Variants in MATN1 observed in about 807,000 individuals in gnomAD.
MATN1 encodes matrilin-1.
A neutral mutation model predicts 41.3 loss-of-function variants in MATN1; 34 were observed. The ratio of observed to expected loss-of-function variants is 0.82; its 90% CI spans 0.63 to 1.10. The LOEUF (loss-of-function observed/expected upper bound fraction) is 1.10. Ranked by LOEUF, MATN1 falls within the 50% of genes least tolerant of loss-of-function variation. The pLI, the probability that MATN1 is intolerant of heterozygous loss-of-function variation, is 0.00. For synonymous variants in MATN1, 264 were observed against 278.7 expected, an observed-to-expected ratio of 0.95 and a Z score of 0.53; for missense variants, 602 against 662.4, an observed-to-expected ratio of 0.91 and a Z score of 1.00.
At position 30,721,855 on chromosome 1, in the gene MATN1, G is replaced by A. The variant is rs139048701; in HGVS notation, c.95-104C>T. ...TTCTTAGATCCAGGTGCGAGGCCTC[G>A]GGCCCAGTAGGCTGCAAACTTCAGC... On this transcript the variant is annotated intron_variant, in intron 1 of 7. Transcript: ENST00000373765. 1.6e-3 allele frequency: 1,360 copies of A among 874,226 alleles called. 19 individuals carry two copies. The African/African-American group carries it at 0.019, about 12-fold the overall frequency. 54.2% of individuals were successfully genotyped at this position (874,226 alleles called of 1,614,324 possible).
chr1:30,713,240 G>T lies in MATN1; in HGVS notation c.*342C>A. On this transcript the variant is annotated 3_prime_UTR_variant, in exon 8 of 8. Coordinates refer to ENST00000373765, the MANE Select transcript of MATN1 (RefSeq NM_002379.3). ...TTCACAGCACTCAGAGTCAAGAAAGGGTTAACTAAAAAAGATGGGAATATA... is the reference window on the plus strand; with the variant it reads ...TTCACAGCACTCAGAGTCAAGAAAGTGTTAACTAAAAAAGATGGGAATATA... 1 of 273,402 alleles carries T rather than the reference G, an allele frequency of 3.7e-6. No individual in the cohort carries two copies. The highest frequency in any genetic ancestry group is 5.0e-5 in the Admixed American group (1 of 20,140). 16.9% of individuals were successfully genotyped at this position (273,402 alleles called of 1,614,324 possible).
intron 2 of MATN1, 53 bp downstream of exon 2, chr1:30,721,352 T>G: frequency 6.6e-7 from 1 of 1,518,764 alleles, no homozygotes. Flanking sequence ...AGCTCATAAC[T>G]CCGAGCGGGA....
intron 5 of MATN1, 139 bp from the exon 6 acceptor site, chr1:30,715,448 A>C (rs374560581): frequency 2.6e-4 from 192 of 735,938 alleles, no homozygotes; most frequent in African/African-American, 2.0e-3. Context: ...CAATGCCTGG[A>C]ACAAGGACAA....
At position 30,715,291 on chromosome 1, in the gene MATN1, A is replaced by G; in HGVS notation, c.1226T>C (p.Val409Ala). The change falls in exon 6 of 8, where the codon GTG becomes GCG. Residue 409 changes from valine to alanine, a missense_variant. Val to Ala is a moderately conservative substitution (Grantham distance 64). Coordinates refer to ENST00000373765, the MANE Select transcript of MATN1 (RefSeq NM_002379.3). Reference protein sequence around the residue: ...AKDLGFKMFAVGVGNAVEDEL... With the variant: ...AKDLGFKMFAAGVGNAVEDEL... ...ATCCTCCACGGCATTGCCCACACCC[A>G]CAGCAAACATCTTAAAGCCTGCCAG... is the stretch of plus-strand genomic sequence containing the variant. The G allele has an allele frequency of 1.9e-6, 3 of 1,614,154 alleles. No individual in the cohort carries two copies. Among genetic ancestry groups the G allele is most frequent in the Non-Finnish European group, 2.5e-6 (3 of 1,180,028 alleles).
intron 1 of MATN1, 83 bp downstream of exon 1, chr1:30,723,375 C>T: frequency 3.7e-6 from 4 of 1,081,218 alleles, no homozygotes. Context: ...CGTGTGCTCC[C>T]TGCCATATCG....
In MATN1 at chr1:30,718,776, A is replaced by C. The variant is rs746606203; in HGVS notation, c.623T>G (p.Val208Gly). The C allele has an allele frequency of 1.2e-6, 2 of 1,603,580 alleles. No individual in the cohort carries two copies. Among genetic ancestry groups the C allele is most frequent in the East Asian group, 4.5e-5 (2 of 44,382 alleles). ...GAACTTCCTGGACAGCTTCTCGATG[A>C]CGCTGTAGCTCTCCACGTAATCGAC... ...EHVDYVESYS[V>G]IEKLSRKFQE... Residue 208 changes from valine (V) to glycine (G), a missense_variant, in exon 3 of 8, where the codon GTC becomes GGC. By Grantham distance (109) the Val-to-Gly change is moderately radical. Coordinates refer to ENST00000373765, the MANE Select transcript of MATN1 (RefSeq NM_002379.3).
chr1:30,713,440 C>A lies in MATN1; in HGVS notation c.*142G>T. On this transcript the variant is annotated 3_prime_UTR_variant, in exon 8 of 8. Coordinates refer to ENST00000373765, the MANE Select transcript of MATN1 (RefSeq NM_002379.3). ...ACACGCACACATACACACACGAGCT[C>A]CCAAACGCCATTACACGCTCTCAAT... 1 of 747,374 alleles carries A rather than the reference C, an allele frequency of 1.3e-6. No homozygotes were observed. Among genetic ancestry groups the A allele is most frequent in the Non-Finnish European group, 2.3e-6 (1 of 429,360 alleles). The allele number at this position is 747,374 out of a possible 1,614,324, so 46.3% of individuals were successfully genotyped here.
chr1:30,718,641 C>T, intron 3 of MATN1, 94 bp downstream of exon 3: 1 of 670,968 alleles, frequency 1.5e-6, no homozygotes, highest in Non-Finnish European at 2.1e-6. Context: ...TCCGTCTGCG[C>T]CTCAGCCTCG....
At chr1:30,714,927 G>A (rs890888510) in intron 6 of MATN1, among the ~76,000 whole-genome samples, 7 of 152,176 alleles carry the variant, frequency 4.6e-5, no homozygotes, top group African/African-American at 1.4e-4. Flanking sequence ...AAATAGGATC[G>A]GATGATGTAA....
At chr1:30,722,647 C>T (rs371946342) in intron 1 of MATN1, among the ~76,000 whole-genome samples, 16 of 152,324 alleles carry the variant, frequency 1.1e-4, no homozygotes, top group African/African-American at 3.1e-4. Flanking sequence ...AGGAAGGTCT[C>T]ACTACAAAGG....
chr1:30,722,199 G>A (rs945215942), intron 1 of MATN1, among the ~76,000 whole-genome samples: 4 of 152,284 alleles, frequency 2.6e-5, no homozygotes, highest in Non-Finnish European at 5.9e-5. Context: ...TAGCTGGGCA[G>A]GAGGGCACCA....
Position 30,723,539 on chromosome 1 carries a change from A to T in MATN1, c.13T>A (p.Ser5Thr). The change falls in exon 1 of 8, where the codon TCT (serine) becomes ACT (threonine). Residue 5 changes from serine to threonine, a missense_variant. Ser to Thr is a moderately conservative substitution (Grantham distance 58, BLOSUM62 1). Coordinates refer to ENST00000373765, the MANE Select transcript of MATN1 (RefSeq NM_002379.3). MRVLSGTSLMLCSLL... is the reference protein window; with the variant it reads MRVLTGTSLMLCSLL... ...CTGCAGAGCATGAGGCTAGTGCCAGAGAGGACCCTCATAGTTCTGGCAGCA... is the reference window on the plus strand; with the variant it reads ...CTGCAGAGCATGAGGCTAGTGCCAGTGAGGACCCTCATAGTTCTGGCAGCA... 6.5e-7 allele frequency: 1 copy of T among 1,537,736 alleles called. No homozygotes were observed. The highest frequency in any genetic ancestry group is 8.8e-7 in the Non-Finnish European group (1 of 1,141,076).
At chr1:30,720,598 G>A (rs1280962717) in intron 2 of MATN1, 2 of 152,838 alleles carry the variant, frequency 1.3e-5, no homozygotes, top group African/African-American at 4.8e-5. Flanking sequence ...GGGGTATGGA[G>A]GAGGGATAAG....
chr1:30,722,203 G>A (rs1206926588), intron 1 of MATN1, among the ~76,000 whole-genome samples: 1 of 152,270 alleles, frequency 6.6e-6, no homozygotes, highest in Admixed American at 6.5e-5. Flanking sequence ...TGGGCAGGAG[G>A]GCACCAAGGA....
At chr1:30,716,486 C>T (rs1639619985) in intron 4 of MATN1, among the ~76,000 whole-genome samples, 161 bp from the exon 5 acceptor site, 1 of 152,210 alleles carries the variant, frequency 6.6e-6, no homozygotes, top group African/African-American at 2.4e-5. Flanking sequence ...TCCCACTGTA[C>T]AGTATTGGAA....
Position 30,716,288 on chromosome 1 carries a change from C to A in MATN1, c.828G>T (p.Leu276=). 6.2e-7 allele frequency: 1 copy of A among 1,614,086 alleles called. No homozygotes were observed. Among genetic ancestry groups the A allele is most frequent in the Non-Finnish European group, 8.5e-7 (1 of 1,179,992 alleles). Residue 276 remains leucine (L), a synonymous_variant, in exon 5 of 8, where the codon CTG becomes CTT. Coordinates refer to ENST00000373765, the MANE Select transcript of MATN1 (RefSeq NM_002379.3). ...SGGGGSSATD[L]VFLIDGSKSV... ...TCTTGGATCCGTCAATGAGGAAGAC[C>A]AGGTCAGTGGCCGAGCTGCCACCAC...
intron 1 of MATN1, among the ~76,000 whole-genome samples, chr1:30,722,152 C>T (rs1304916109): frequency 6.6e-6 from 1 of 152,234 alleles, no homozygotes; most frequent in African/African-American, 2.4e-5. Context: ...GGTTTCAGCC[C>T]AGACTTGCTG....
chr1:30,716,435 T>C (rs1028235218), intron 4 of MATN1, 110 bp from the exon 5 acceptor site: 3 of 1,164,216 alleles, frequency 2.6e-6, no homozygotes, highest in Admixed American at 4.6e-5. Flanking sequence ...GATCATTACA[T>C]TGTGCCCTCA....
At chr1:30,716,699 G>C in intron 4 of MATN1, 91 bp downstream of exon 4, 1 of 1,529,722 alleles carries the variant, frequency 6.5e-7, no homozygotes, top group Admixed American at 1.9e-5. Flanking sequence ...CAGAGGTATG[G>C]TGCAGGGAGG....
Sources: allele counts gnomAD v4.1 joint callset (sites outside exome capture counted in the v4.1 genomes callset), GRCh38; gene constraint gnomAD v4.1.1; transcripts MANE v1.5; gene names NCBI Gene and HGNC (gene_info 2026-07-23, HGNC 2026-07-21).